The following DSCAM variants were observed in gnomAD, a reference collection of about 807,000 sequenced individuals.
DSCAM encodes the protein DS cell adhesion molecule, also known as cell adhesion molecule DSCAM.
DSCAM carries 47 observed loss-of-function variants against 217.7 expected under a neutral mutation model. That is an observed-to-expected ratio of 0.22 (90% CI 0.17 to 0.28). The LOEUF is 0.28. Ranked by LOEUF, DSCAM falls within the 10% of genes least tolerant of loss-of-function variation. DSCAM has a pLI of 1.00. For missense variants in DSCAM, 2,080 were observed against 2,618.3 expected, an observed-to-expected ratio of 0.79 and a Z score of 4.49; for synonymous variants, 1,056 against 1,015.3, an observed-to-expected ratio of 1.04 and a Z score of -0.76.
intron 29 of DSCAM, among the ~76,000 whole-genome samples, chr21:40,054,925 A>G (rs2088989410): frequency 6.6e-6 from 1 of 152,270 alleles, no homozygotes; most frequent in South Asian, 2.1e-4. Flanking sequence ...AGTAATGCAC[A>G]CGAAGTGCTT....
At chr21:40,445,363 C>G (rs2075666284) in intron 3 of DSCAM, among the ~76,000 whole-genome samples, 1 of 152,168 alleles carries the variant, frequency 6.6e-6, no homozygotes, top group Admixed American at 6.5e-5. Flanking sequence ...TGGTTCTGTT[C>G]TGTTGGAGAC....
intron 10 of DSCAM, among the ~76,000 whole-genome samples, chr21:40,280,643 A>C (rs1418456728): frequency 6.6e-6 from 1 of 152,254 alleles, no homozygotes; most frequent in Non-Finnish European, 1.5e-5. Flanking sequence ...TTCAAACAGT[A>C]AAAAAGTAAA....
chr21:40,791,631 C>A (rs1326970431), intron 1 of DSCAM, among the ~76,000 whole-genome samples: 1 of 151,978 alleles, frequency 6.6e-6, no homozygotes, highest in Non-Finnish European at 1.5e-5. Flanking sequence ...CCAGCCTGGG[C>A]GACAGAGAGA....
chr21:40,420,292 C>T (rs965215083), intron 3 of DSCAM, among the ~76,000 whole-genome samples: 3 of 152,116 alleles, frequency 2.0e-5, no homozygotes, highest in African/African-American at 4.8e-5. Context: ...CATGAATCTG[C>T]GCTTGAGTGT....
intron 11 of DSCAM, among the ~76,000 whole-genome samples, chr21:40,218,840 A>G (rs753977283): frequency 1.7e-4 from 26 of 152,150 alleles, no homozygotes; most frequent in Non-Finnish European, 3.1e-4. Flanking sequence ...TTGATTTTGT[A>G]TCCTGAAACT....
intron 3 of DSCAM, among the ~76,000 whole-genome samples, chr21:40,477,288 C>T (rs1194837290): frequency 6.6e-6 from 1 of 151,370 alleles, no homozygotes; most frequent in South Asian, 2.1e-4. Context: ...ATTGATCTAA[C>T]AAAAGATAAG....
chr21:40,310,941 A>G (rs934013669), intron 9 of DSCAM, among the ~76,000 whole-genome samples: 1 of 152,306 alleles, frequency 6.6e-6, no homozygotes, highest in South Asian at 2.1e-4. Context: ...ATTCACCTGG[A>G]AATTTTTTTT....
intron 1 of DSCAM, among the ~76,000 whole-genome samples, chr21:40,802,084 CA>C (rs2091746916): frequency 6.6e-6 from 1 of 152,080 alleles, no homozygotes; most frequent in African/African-American, 2.4e-5. Context: ...CAGACTTCAG[CA>C]CATAGAAGTA....
chr21:40,643,338 C>T (rs953457521), intron 3 of DSCAM, among the ~76,000 whole-genome samples: 3 of 152,260 alleles, frequency 2.0e-5, no homozygotes, highest in South Asian at 4.1e-4. Flanking sequence ...AAGTGAGCAA[C>T]CTGTTTGAGA....
rs61560593 is a variant in DSCAM at position 40,512,010 on chromosome 21, A to AAAAAAAAAAAAAAAAAAAT, written c.509-142766_509-142765insATTTTTTTTTTTTTTTTTT. 2.8e-5 allele frequency among the ~76,000 whole-genome samples: 3 copies of AAAAAAAAAAAAAAAAAAAT among 106,368 alleles called. 1 individual carries two copies. Among genetic ancestry groups the AAAAAAAAAAAAAAAAAAAT allele is most frequent in the Non-Finnish European group, 1.8e-5 (1 of 54,112 alleles). 69.8% of individuals were successfully genotyped at this position (106,368 alleles called of 152,430 possible). On this transcript the variant is annotated intron_variant, in intron 3 of 32. Coordinates refer to ENST00000400454, the MANE Select transcript of DSCAM (RefSeq NM_001389.5). The stretch of plus-strand genomic sequence containing the variant: ...TGTCTCAAAAAAAAAAAAAAAAAAA[A>AAAAAAAAAAAAAAAAAAAT]GTATTCTATTTGAGGTCTTGCTTTT...
At chr21:40,520,347 C>T (rs1477036261) in intron 3 of DSCAM, among the ~76,000 whole-genome samples, 2 of 152,056 alleles carry the variant, frequency 1.3e-5, no homozygotes, top group Non-Finnish European at 2.9e-5. Context: ...TTAAGAGGAG[C>T]AGGATTCAAT....
chr21:40,153,302 C>T (rs964813900), intron 16 of DSCAM, among the ~76,000 whole-genome samples: 1 of 152,196 alleles, frequency 6.6e-6, no homozygotes, highest in Non-Finnish European at 1.5e-5. Context: ...CTGCCTGATA[C>T]TTGCAGTGCT....
At chr21:40,623,356 C>T (rs1220080311) in intron 3 of DSCAM, among the ~76,000 whole-genome samples, 2 of 152,158 alleles carry the variant, frequency 1.3e-5, no homozygotes, top group Non-Finnish European at 2.9e-5. Context: ...ACTTATTAAG[C>T]ACTTTGATGT....
intron 3 of DSCAM, among the ~76,000 whole-genome samples, chr21:40,532,025 A>G (rs1480386099): frequency 6.6e-6 from 1 of 152,182 alleles, no homozygotes. Context: ...AGGAGCTGCA[A>G]TCTGTTCAAA....
At chr21:40,442,371 G>GT (rs956373912) in intron 3 of DSCAM, among the ~76,000 whole-genome samples, 1 of 146,988 alleles carries the variant, frequency 6.8e-6, no homozygotes, top group African/African-American at 2.4e-5. Context: ...AAATTTACTA[G>GT]TTTTTTAAAT....
chr21:40,807,386 G>T (rs1467027786), intron 1 of DSCAM, among the ~76,000 whole-genome samples: 1 of 151,998 alleles, frequency 6.6e-6, no homozygotes. Context: ...CCTATGCCTG[G>T]ACTTTTGATT....
intron 22 of DSCAM, among the ~76,000 whole-genome samples, chr21:40,086,570 C>A (rs778482301): frequency 9.2e-5 from 14 of 152,124 alleles, no homozygotes; most frequent in Non-Finnish European, 1.8e-4. Context: ...AATTTTCGAC[C>A]CTTAACTTAT....
chr21:40,583,850 T>C (rs2076923596), intron 3 of DSCAM, among the ~76,000 whole-genome samples: 1 of 150,328 alleles, frequency 6.7e-6, no homozygotes, highest in South Asian at 2.1e-4. Flanking sequence ...GAAACCTCTG[T>C]ACCTTCCACT....
At chr21:40,014,688 T>G (rs28430430) in intron 32 of DSCAM, among the ~76,000 whole-genome samples, 1 of 152,012 alleles carries the variant, frequency 6.6e-6, no homozygotes, top group Non-Finnish European at 1.5e-5. Flanking sequence ...ACCTCTGTTA[T>G]GGTCTCCAGA....
Sources: gnomAD v4.1 joint callset for allele counts (sites outside exome capture counted in the v4.1 genomes callset) on GRCh38, gnomAD v4.1.1 for gene constraint, MANE v1.5 for transcripts, NCBI Gene and HGNC (gene_info 2026-07-23, HGNC 2026-07-21) for gene names.